The following PGR variants were observed in gnomAD, a reference collection of about 807,000 sequenced individuals.
PGR encodes progesterone receptor.
Under a neutral mutation model 76.1 loss-of-function variants are expected in PGR, and 25 were observed. The ratio of observed to expected loss-of-function variants is 0.33; its 90% CI spans 0.24 to 0.46. The LOEUF is 0.46. Ranked by LOEUF, PGR falls within the 20% of genes least tolerant of loss-of-function variation. The pLI is 1.00. For missense variants in PGR, 1,172 were observed against 1,225.3 expected (o/e 0.96, Z 0.65); for synonymous variants, 579 against 535.0 (o/e 1.08, Z -1.14).
chr11:101,091,579 T>C (rs972724956), intron 3 of PGR, among the ~76,000 whole-genome samples, 181 bp downstream of exon 3: 17 of 152,216 alleles, frequency 1.1e-4, no homozygotes, highest in African/African-American at 4.1e-4. Flanking sequence ...GCTAGAAAAC[T>C]GTAAAGTTAA....
At chr11:101,062,123 TA>T (rs993904527) in intron 4 of PGR, among the ~76,000 whole-genome samples, 1 of 152,168 alleles carries the variant, frequency 6.6e-6, no homozygotes, top group African/African-American at 2.4e-5. Context: ...AGGGCATTTA[TA>T]AAAAATGGTC....
At chr11:101,122,166 A>AAAG (rs1295317925) in intron 2 of PGR, among the ~76,000 whole-genome samples, 1 of 44,158 alleles carries the variant, frequency 2.3e-5, no homozygotes, top group East Asian at 5.6e-4. Context: ...AAAAAAAAAA[A>AAAG]AAAAGTGAGC....
intron 3 of PGR, among the ~76,000 whole-genome samples, chr11:101,085,235 C>T (rs1403923452): frequency 6.6e-6 from 1 of 152,118 alleles, no homozygotes; most frequent in African/African-American, 2.4e-5. Flanking sequence ...TCATGCCAGT[C>T]ATACTGTCAG....
Position 101,038,907 on chromosome 11 carries a change from A to T in PGR, c.*209T>A. The T allele has an allele frequency of 2.1e-6, 1 of 465,488 alleles. No individual in the cohort carries two copies. Among genetic ancestry groups the T allele is most frequent in the Non-Finnish European group, 3.8e-6 (1 of 262,978 alleles). 28.8% of individuals were successfully genotyped at this position (465,488 alleles called of 1,614,324 possible). A position where few individuals can be genotyped will look rare whatever the true frequency, so the allele number is the denominator to read the frequency against. ...AATCTTGTAAATTCTTCAAGAAAAT[A>T]TGGGTAAACAAAACAGTTAAACATT... On this transcript the variant is annotated 3_prime_UTR_variant, in exon 8 of 8. Coordinates refer to ENST00000325455, the MANE Select transcript of PGR (RefSeq NM_000926.4).
chr11:101,065,164 C>T (rs1259006169), intron 3 of PGR, among the ~76,000 whole-genome samples: 1 of 152,192 alleles, frequency 6.6e-6, no homozygotes, highest in Non-Finnish European at 1.5e-5. Flanking sequence ...AGGCTTGCTG[C>T]CCTGTAAGGA....
Position 101,107,891 on chromosome 11 carries a change from G to T in PGR, c.1790-16015C>A, listed in dbSNP as rs150324433. ...AAAAAAAAAAAAAAAGAAAGAAAAA[G>T]GTAGAACTATATGGATAATTAATTA... is the stretch of plus-strand genomic sequence containing the variant. On this transcript the variant is annotated intron_variant, in intron 2 of 7. Transcript: ENST00000325455. 7.5e-3 allele frequency among the ~76,000 whole-genome samples: 727 copies of T among 96,936 alleles called. 4 individuals are homozygous for T. Among genetic ancestry groups the T allele is most frequent in the Non-Finnish European group, 0.013 (574 of 43,716 alleles). 63.6% of individuals were successfully genotyped at this position (96,936 alleles called of 152,430 possible). A position where few individuals can be genotyped will look rare whatever the true frequency, so the allele number is the denominator to read the frequency against.
At chr11:101,045,957 A>G (rs1248465891) in intron 6 of PGR, among the ~76,000 whole-genome samples, 1 of 152,026 alleles carries the variant, frequency 6.6e-6, no homozygotes, top group African/African-American at 2.4e-5. Flanking sequence ...TTTCTGGACT[A>G]CTTCAAATAG....
chr11:101,061,575 G>A (rs1860499961), intron 4 of PGR, among the ~76,000 whole-genome samples: 1 of 152,130 alleles, frequency 6.6e-6, no homozygotes, highest in Non-Finnish European at 1.5e-5. Flanking sequence ...GACATAATAT[G>A]TTTAATTCTT....
At chr11:101,074,659 C>T (rs1038349439) in intron 3 of PGR, among the ~76,000 whole-genome samples, 2 of 152,128 alleles carry the variant, frequency 1.3e-5, no homozygotes, top group African/African-American at 4.8e-5. Flanking sequence ...GTGCAAAAAT[C>T]ACAGGCATTC....
chr11:101,049,922 C>G lies in PGR; in HGVS notation c.2488+7G>C. The stretch of plus-strand genomic sequence containing the variant: ...TATCTTGCATTAAGTTACTTGAACT[C>G]ACTCACTTGTATTAAGAAGTAACAA... On this transcript the variant is annotated splice_region_variant and intron_variant, in intron 6 of 7. Transcript: ENST00000325455. 1 of 1,609,430 alleles carries G rather than the reference C, an allele frequency of 6.2e-7. No individual in the cohort carries two copies. The highest frequency in any genetic ancestry group is 8.5e-7 in the Non-Finnish European group (1 of 1,176,552).
In PGR at chr11:101,041,971, T is replaced by A; in HGVS notation, c.2620A>T (p.Thr874Ser). ...VSSSQRFYQL[T>S]KLLDNLHDLV... ...TCATGCAAGTTATCAAGAAGTTTTGTAAGTTGATAGAAACGCTGTGAGCTC... is the reference window on the plus strand; with the variant it reads ...TCATGCAAGTTATCAAGAAGTTTTGAAAGTTGATAGAAACGCTGTGAGCTC... The change falls in exon 7 of 8, where the codon ACA (threonine) becomes TCA (serine). Residue 874 changes from threonine (T) to serine (S), a missense_variant. Physicochemically the swap from Thr to Ser is moderately conservative, Grantham distance 58. Transcript: ENST00000325455. 6.2e-7 allele frequency: 1 copy of A among 1,613,518 alleles called. No homozygotes were observed. Among genetic ancestry groups the A allele is most frequent in the Non-Finnish European group, 8.5e-7 (1 of 1,179,630 alleles).
At chr11:101,093,355 A>G (rs1861735630) in intron 2 of PGR, among the ~76,000 whole-genome samples, 1 of 151,676 alleles carries the variant, frequency 6.6e-6, no homozygotes, top group African/African-American at 2.4e-5. Context: ...AGGCTATAGG[A>G]GTGACTGTGA....
At chr11:101,067,811 C>G (rs1292722858) in intron 3 of PGR, among the ~76,000 whole-genome samples, 1 of 151,768 alleles carries the variant, frequency 6.6e-6, no homozygotes, top group East Asian at 1.9e-4. Flanking sequence ...ATAAAAAACA[C>G]AAATATAATA....
intron 2 of PGR, among the ~76,000 whole-genome samples, chr11:101,116,635 G>A (rs1021102615): frequency 6.6e-6 from 1 of 151,510 alleles, no homozygotes; most frequent in East Asian, 1.9e-4. Flanking sequence ...AGCTATTCGG[G>A]AGGCTGAGGC....
At chr11:101,087,509 G>T (rs1282195845) in intron 3 of PGR, among the ~76,000 whole-genome samples, 1 of 152,114 alleles carries the variant, frequency 6.6e-6, no homozygotes, top group African/African-American at 2.4e-5. Flanking sequence ...TATGATTCTG[G>T]ATATCAGCCT....
chr11:101,038,608 A>G lies in PGR; in HGVS notation c.*508T>C, dbSNP rs542902377. ...TTTCTACATTTTTTGCATTAAAAAT[A>G]CTTTTGAAAATCTGAGGAAAGTTAT... On this transcript the variant is annotated 3_prime_UTR_variant, in exon 8 of 8. Transcript: ENST00000325455. 1 of 230,032 alleles carries G rather than the reference A, an allele frequency of 4.3e-6. No homozygotes were observed. The highest frequency in any genetic ancestry group is 1.8e-4 in the South Asian group (1 of 5,534). 14.2% of individuals were successfully genotyped at this position (230,032 alleles called of 1,614,324 possible).
At chr11:101,045,457 C>A (rs1030739054) in intron 6 of PGR, among the ~76,000 whole-genome samples, 1 of 152,092 alleles carries the variant, frequency 6.6e-6, no homozygotes, top group Admixed American at 6.6e-5. Context: ...CCCCTCCTAC[C>A]TTTCCAGCCT....
At chr11:101,056,931 G>A (rs1316758712) in intron 4 of PGR, among the ~76,000 whole-genome samples, 1 of 152,164 alleles carries the variant, frequency 6.6e-6, no homozygotes, top group Non-Finnish European at 1.5e-5. Context: ...AGAAGTTAAT[G>A]TCTAATAATC....
At chr11:101,047,915 T>C (rs1238061947) in intron 6 of PGR, among the ~76,000 whole-genome samples, 1 of 152,166 alleles carries the variant, frequency 6.6e-6, no homozygotes, top group Non-Finnish European at 1.5e-5. Flanking sequence ...ATCAATGCAA[T>C]GCTTTATAAA....
Sources: gnomAD v4.1 joint callset for allele counts (sites outside exome capture counted in the v4.1 genomes callset) on GRCh38, gnomAD v4.1.1 for gene constraint, MANE v1.5 for transcripts, NCBI Gene and HGNC (gene_info 2026-07-23, HGNC 2026-07-21) for gene names.